PDZD2: variants seen among roughly 807,000 people sequenced by gnomAD.
The protein encoded by PDZD2 is PDZ domain-containing protein 2.
PDZD2 carries 90 observed loss-of-function variants against 220.7 expected under a neutral mutation model. The ratio of observed to expected loss-of-function variants is 0.41; its 90% CI spans 0.34 to 0.49. The LOEUF (loss-of-function observed/expected upper bound fraction) is 0.49. PDZD2 is among the 20% of genes least tolerant of loss of function. The pLI is 0.28. For missense variants in PDZD2, 3,174 were observed against 3,608.5 expected (o/e 0.88, Z 3.08); for synonymous variants, 1,375 against 1,450.5 (o/e 0.95, Z 1.18).
intron 1 of PDZD2, among the ~76,000 whole-genome samples, chr5:31,716,676 A>G (rs888246476): frequency 6.6e-6 from 1 of 152,080 alleles, no homozygotes; most frequent in Admixed American, 6.6e-5. Flanking sequence ...GGTGGTGGGC[A>G]CCTGTAGTCC....
Position 31,694,402 on chromosome 5 carries a change from C to CAAAAAAAA in PDZD2, c.-361+54972_-361+54973insAAAAAAAA, listed in dbSNP as rs1554063832. On this transcript the variant is annotated intron_variant, in intron 1 of 24. Transcript: ENST00000438447. Reference sequence around the variant, plus strand: ...GTGAGACTCCATCTCAAAAAACAAACAAAAAAACAAAAAACAATGCTTGCA... The same window carrying CAAAAAAAA: ...GTGAGACTCCATCTCAAAAAACAAACAAAAAAAAAAAAAAACAAAAAACAATGCTTGCA... Among the ~76,000 whole-genome samples, 14 of 151,510 alleles carry CAAAAAAAA rather than the reference C, an allele frequency of 9.2e-5. 1 individual carries two copies. Among genetic ancestry groups the CAAAAAAAA allele is most frequent in the Non-Finnish European group, 1.8e-4 (12 of 67,844 alleles).
intron 1 of PDZD2, among the ~76,000 whole-genome samples, chr5:31,722,262 A>T (rs1053599402): frequency 6.6e-6 from 1 of 151,816 alleles, no homozygotes; most frequent in African/African-American, 2.4e-5. Context: ...CACACCGCAC[A>T]CTCTGCTCCT....
intron 7 of PDZD2, among the ~76,000 whole-genome samples, chr5:32,045,815 T>C (rs1049263991): frequency 6.8e-6 from 1 of 147,836 alleles, no homozygotes; most frequent in Non-Finnish European, 1.5e-5. Context: ...TATTTAACTT[T>C]AAAAAAAAAA....
chr5:32,005,756 TCCTGGCCAAGTTGTTA>T (rs562531561), intron 5 of PDZD2, among the ~76,000 whole-genome samples: 147 of 152,314 alleles, frequency 9.7e-4, no homozygotes, highest in African/African-American at 3.4e-3. Flanking sequence ...AAGCTGCATG[TCCTGGCCAAGTTGTTA>T]CCTCTCCTAA....
At chr5:31,871,942 C>T (rs1320621449) in intron 2 of PDZD2, among the ~76,000 whole-genome samples, 1 of 152,066 alleles carries the variant, frequency 6.6e-6, no homozygotes, top group East Asian at 1.9e-4. Context: ...CAACCCTCCT[C>T]GGTCTCCTAA....
At chr5:31,845,116 C>T (rs1038330879) in intron 2 of PDZD2, among the ~76,000 whole-genome samples, 11 of 152,156 alleles carry the variant, frequency 7.2e-5, no homozygotes, top group African/African-American at 1.7e-4. Flanking sequence ...AGTAAGCAAT[C>T]GGACTATCAA....
chr5:31,873,883 A>G (rs554833939), intron 2 of PDZD2, among the ~76,000 whole-genome samples: 4 of 151,988 alleles, frequency 2.6e-5, no homozygotes, highest in African/African-American at 9.6e-5. Flanking sequence ...GGCATGCATC[A>G]CCATGCCCAG....
Position 32,088,212 on chromosome 5 carries a change from G to A in PDZD2, c.4764G>A (p.Lys1588=). The A allele has an allele frequency of 6.2e-7, 1 of 1,614,190 alleles. No homozygotes were observed. The highest frequency in any genetic ancestry group is 8.5e-7 in the Non-Finnish European group (1 of 1,180,030). ...SPPRSRVSLH[K]EDPSESEEEQ... is the part of the protein sequence containing the mutation. ...CTCGTTCCCGTGTGTCTTTGCACAA[G>A]GAAGATCCTTCGGAGTCAGAAGAGG... The change falls in exon 20 of 25, where the codon AAG becomes AAA. Residue 1588 remains lysine, a synonymous_variant. Coordinates refer to ENST00000438447, the MANE Select transcript of PDZD2 (RefSeq NM_178140.4). This position sits in a 1 kb window ranked among gnomAD's most constrained non-coding sequence, Gnocchi z 4.6.
intron 19 of PDZD2, among the ~76,000 whole-genome samples, chr5:32,078,784 G>A (rs569274765): frequency 7.0e-4 from 105 of 149,788 alleles, no homozygotes; most frequent in Non-Finnish European, 1.5e-3. Context: ...CAGCCTGGGT[G>A]ACAGAACTAG....
chr5:31,892,889 A>G (rs1741183277), intron 2 of PDZD2, among the ~76,000 whole-genome samples: 1 of 152,084 alleles, frequency 6.6e-6, no homozygotes, highest in Non-Finnish European at 1.5e-5. Context: ...TTTCTTATGG[A>G]GCTCACAGCC....
chr5:31,824,008 C>T (rs986054623), intron 2 of PDZD2, among the ~76,000 whole-genome samples: 7 of 152,160 alleles, frequency 4.6e-5, no homozygotes, highest in Non-Finnish European at 1.0e-4. Context: ...CTTTCTCGTC[C>T]TTGATGGCAA....
chr5:31,644,070 C>T (rs1407097198), intron 1 of PDZD2, among the ~76,000 whole-genome samples: 1 of 151,902 alleles, frequency 6.6e-6, no homozygotes, highest in East Asian at 1.9e-4. Context: ...TGGGCTCAAG[C>T]GATCCACCCA....
chr5:31,849,937 T>TATATATATACATATATATATATACAC lies in PDZD2; in HGVS notation c.476+50222_476+50223insCATATATATATATACACATATATATA, dbSNP rs1757865405. Among the ~76,000 whole-genome samples the TATATATATACATATATATATATACAC allele has an allele frequency of 1.9e-4, 4 of 21,276 alleles. 1 individual carries two copies. The highest frequency in any genetic ancestry group is 3.1e-4 in the Non-Finnish European group (4 of 12,774). 14.0% of individuals were successfully genotyped at this position (21,276 alleles called of 152,430 possible). A position where few individuals can be genotyped will look rare whatever the true frequency, so the allele number is the denominator to read the frequency against. ...ATATATACATATATATATATACACA[T>TATATATATACATATATATATATACAC]ATATATATATACATATATATATATA... On this transcript the variant is annotated intron_variant, in intron 2 of 24. Coordinates refer to ENST00000438447, the MANE Select transcript of PDZD2 (RefSeq NM_178140.4).
Position 32,088,240 on chromosome 5 carries a change from C to T in PDZD2, c.4792C>T (p.Gln1598Ter). 6.2e-7 allele frequency: 1 copy of T among 1,614,154 alleles called. No individual in the cohort carries two copies. The highest frequency in any genetic ancestry group is 8.5e-7 in the Non-Finnish European group (1 of 1,180,032). Residue 1598 changes from glutamine (Q) to a stop codon, truncating the protein, a stop_gained, in exon 20 of 25, where the codon CAG becomes TAG. Transcript: ENST00000438447. LOFTEE classifies it high-confidence loss of function. This position sits in a 1 kb window ranked among gnomAD's most constrained non-coding sequence, Gnocchi z 4.6. ...AGATCCTTCGGAGTCAGAAGAGGAA[C>T]AGATTGAGATTTGTTCCACACGTGG... ...KEDPSESEEE[Q>*]IEICSTRGCP...
At chr5:31,892,862 TGCCCAGCTGG>T in intron 2 of PDZD2, among the ~76,000 whole-genome samples, 1 of 152,244 alleles carries the variant, frequency 6.6e-6, no homozygotes, top group East Asian at 1.9e-4. Context: ...TGTGCCACTG[TGCCCAGCTGG>T]GCCTAGTTTC....
Position 32,087,151 on chromosome 5 carries a change from C to G in PDZD2, c.3703C>G (p.Leu1235Val), listed in dbSNP as rs760883414. The change falls in exon 20 of 25, where the codon CTC becomes GTC. Residue 1235 changes from leucine to valine, a missense_variant. Physicochemically the swap from Leu to Val is conservative, Grantham distance 32. Around this residue, in one of 4 missense-constraint regions of PDZD2, gnomAD observed 1,861 missense variants for 2,001.0 expected, o/e 0.93. Transcript: ENST00000438447. This position sits in a 1 kb window ranked among gnomAD's most constrained non-coding sequence, Gnocchi z 4.0. ...PMTELDSSSD[L>V]ISSPGKKGAA... ...CGTAGAACTGGACAGCTCCTCAGAC[C>G]TCATCTCTTCCCCAGGGAAGAAGGG... 5 of 1,611,254 alleles carry G rather than the reference C, an allele frequency of 3.1e-6. No homozygotes were observed. The highest frequency in any genetic ancestry group is 1.3e-5 in the African/African-American group (1 of 74,808).
rs145397958 is a variant in PDZD2, at chr5:31,733,316, T to C, written c.-360-65573T>C. Among the ~76,000 whole-genome samples, 579 of 152,308 alleles carry C rather than the reference T, an allele frequency of 3.8e-3. 5 individuals are homozygous for C. The highest frequency in any genetic ancestry group is 6.3e-3 in the Non-Finnish European group (428 of 68,030). ...TATTTAGCATGCATCAAACTGAGGA[T>C]GAAAAAATCCTGGGGGTTCAAATGG... is the stretch of plus-strand genomic sequence containing the variant. On this transcript the variant is annotated intron_variant, in intron 1 of 24. Coordinates refer to ENST00000438447, the MANE Select transcript of PDZD2 (RefSeq NM_178140.4).
rs1167499611 is a variant in PDZD2, at chr5:32,098,444, C to G, written c.8028C>G (p.Gly2676=). 5.0e-6 allele frequency: 8 copies of G among 1,613,970 alleles called. No homozygotes were observed. The African/African-American group carries it at 1.1e-4, about 22-fold the overall frequency. ...NRGDFLLSVN[G]ASLAGLAHGN... ...GGGATTTCCTTCTGTCAGTCAACGG[C>G]GCCTCACTGGCTGGCTTAGCCCACG... Residue 2676 remains glycine, a synonymous_variant, in exon 23 of 25, where the codon GGC becomes GGG. Coordinates refer to ENST00000438447, the MANE Select transcript of PDZD2 (RefSeq NM_178140.4). The surrounding 1 kb of genome is among the most constrained non-coding windows in gnomAD (Gnocchi z 4.1).
chr5:31,732,330 CAAT>C (rs1272262347), intron 1 of PDZD2, among the ~76,000 whole-genome samples: 22 of 152,204 alleles, frequency 1.4e-4, no homozygotes, highest in Admixed American at 1.4e-3. Context: ...TGAGGTGACT[CAAT>C]GATGTCATCT....
Sources: gnomAD v4.1 joint callset for allele counts (sites outside exome capture counted in the v4.1 genomes callset) on GRCh38, gnomAD v4.1.1 for gene constraint, gnomAD v4.1.1 regional missense constraint, Gnocchi (gnomAD v3.1) non-coding constraint, MANE v1.5 for transcripts, NCBI Gene and HGNC (gene_info 2026-07-23, HGNC 2026-07-21) for gene names.